ADCY8: variants seen among roughly 807,000 people sequenced by gnomAD.
ADCY8 encodes the protein adenylate cyclase 8.
ADCY8 carries 51 observed loss-of-function variants against 119.7 expected under a neutral mutation model. The observed-to-expected ratio is 0.43, with a 90% CI of 0.34 to 0.54. The LOEUF (loss-of-function observed/expected upper bound fraction) is 0.54, where lower values mean the gene tolerates loss of function less well. Ranked by LOEUF, ADCY8 falls within the 20% of genes least tolerant of loss-of-function variation. The pLI is 0.03. For missense variants in ADCY8, 1,383 were observed against 1,598.8 expected, an observed-to-expected ratio of 0.87 and a Z score of 2.30; for synonymous variants, 665 against 651.0, an observed-to-expected ratio of 1.02 and a Z score of -0.33.
chr8:130,932,211 G>A (rs186532362), intron 5 of ADCY8, among the ~76,000 whole-genome samples: 1 of 152,294 alleles, frequency 6.6e-6, no homozygotes, highest in African/African-American at 2.4e-5. Context: ...TGGGCCAGAA[G>A]CCTAGGACCA....
intron 14 of ADCY8, among the ~76,000 whole-genome samples, chr8:130,806,501 C>T (rs978987299): frequency 3.9e-5 from 6 of 152,110 alleles, no homozygotes; most frequent in Non-Finnish European, 7.4e-5. Context: ...AAGATGAGGG[C>T]AGGAAGTAGG....
rs377413704 is a variant in ADCY8, at chr8:130,814,058, C to A, written c.2913+11G>T. 6.8e-6 allele frequency: 11 copies of A among 1,614,008 alleles called. No homozygotes were observed. Among genetic ancestry groups the A allele is most frequent in the Non-Finnish European group, 9.3e-6 (11 of 1,180,002 alleles). On this transcript the variant is annotated intron_variant, in intron 14 of 17. Coordinates refer to ENST00000286355, the MANE Select transcript of ADCY8 (RefSeq NM_001115.3). ...ACCCTTTCTCACTGGCTAGACCAGC[C>A]CCTGGCTCACCTCATTGTCTCGGTC...
chr8:130,951,604 C>G (rs1408770653), intron 3 of ADCY8, among the ~76,000 whole-genome samples: 1 of 152,140 alleles, frequency 6.6e-6, no homozygotes, highest in Non-Finnish European at 1.5e-5. Flanking sequence ...CTTTCCCACT[C>G]AAAATGTAAA....
chr8:130,994,323 G>C (rs1822696946), intron 1 of ADCY8, among the ~76,000 whole-genome samples: 2 of 152,140 alleles, frequency 1.3e-5, no homozygotes, highest in Non-Finnish European at 2.9e-5. Flanking sequence ...TTTCTCTGGG[G>C]CATTCTTTCT....
chr8:130,893,420 G>T (rs1401541532), intron 7 of ADCY8, among the ~76,000 whole-genome samples: 1 of 152,114 alleles, frequency 6.6e-6, no homozygotes, highest in Non-Finnish European at 1.5e-5. Flanking sequence ...AGGGCCACAG[G>T]GTAGGTGTGA....
At chr8:130,813,298 T>C (rs544130564) in intron 14 of ADCY8, among the ~76,000 whole-genome samples, 1 of 152,316 alleles carries the variant, frequency 6.6e-6, no homozygotes, top group South Asian at 2.1e-4. Context: ...ATAGTCACAT[T>C]GTTGTGCAAC....
At chr8:130,906,326 G>C (rs1436307672) in intron 6 of ADCY8, among the ~76,000 whole-genome samples, 3 of 152,080 alleles carry the variant, frequency 2.0e-5, no homozygotes, top group African/African-American at 2.4e-5. Context: ...CTGGTAGGAG[G>C]GTTTTCTAAA....
At chr8:130,964,706 T>A (rs1368339668) in intron 2 of ADCY8, among the ~76,000 whole-genome samples, 1 of 152,240 alleles carries the variant, frequency 6.6e-6, no homozygotes, top group Non-Finnish European at 1.5e-5. Flanking sequence ...TTGGCTATGG[T>A]CTCTGTAAGA....
intron 7 of ADCY8, among the ~76,000 whole-genome samples, chr8:130,900,751 A>G (rs1267097986): frequency 2.0e-5 from 3 of 152,150 alleles, no homozygotes; most frequent in Non-Finnish European, 4.4e-5. Flanking sequence ...CCTTAATTTT[A>G]CAGATTCTCA....
chr8:130,850,936 A>G (rs1034001181), intron 9 of ADCY8, among the ~76,000 whole-genome samples: 2 of 152,174 alleles, frequency 1.3e-5, no homozygotes, highest in Non-Finnish European at 2.9e-5. Flanking sequence ...AATGAACCAA[A>G]GAGGTCTTTT....
intron 9 of ADCY8, among the ~76,000 whole-genome samples, chr8:130,859,839 T>A (rs184566442): frequency 2.0e-4 from 30 of 152,332 alleles, no homozygotes; most frequent in Non-Finnish European, 3.4e-4. Context: ...CACCTAACGA[T>A]CTATTTACCA....
chr8:131,039,329 C>G (rs182450253), intron 1 of ADCY8, 45 bp downstream of exon 1: 1 of 1,595,770 alleles, frequency 6.3e-7, no homozygotes, highest in Non-Finnish European at 8.5e-7. Flanking sequence ...ATCAATAACC[C>G]GGGGAAGTTA....
intron 5 of ADCY8, among the ~76,000 whole-genome samples, chr8:130,923,274 G>GA (rs1432350999): frequency 6.6e-6 from 1 of 151,464 alleles, no homozygotes; most frequent in African/African-American, 2.4e-5. Context: ...GGAATAGACA[G>GA]AAAAAAATAG....
intron 1 of ADCY8, among the ~76,000 whole-genome samples, chr8:131,019,797 TTCTCTCTCTCTC>T (rs61010907): frequency 0.055 from 5,721 of 104,706 alleles, 189 homozygotes; most frequent in Non-Finnish European, 0.062. Flanking sequence ...ATGGAACAAA[TTCTCTCTCTCTC>T]TCTCTCTCTC....
intron 1 of ADCY8, among the ~76,000 whole-genome samples, chr8:131,023,682 T>C (rs1823742817): frequency 6.6e-6 from 1 of 152,258 alleles, no homozygotes; most frequent in Non-Finnish European, 1.5e-5. Context: ...TTAGTTTTGC[T>C]GTCATTTAAT....
intron 8 of ADCY8, among the ~76,000 whole-genome samples, chr8:130,882,907 G>T (rs894809761): frequency 3.3e-5 from 5 of 152,158 alleles, no homozygotes; most frequent in African/African-American, 1.2e-4. Context: ...GTGATCGTTT[G>T]CTGATGTGTC....
At chr8:131,010,935 G>A (rs2130779496) in intron 1 of ADCY8, among the ~76,000 whole-genome samples, 1 of 152,340 alleles carries the variant, frequency 6.6e-6, no homozygotes, top group East Asian at 1.9e-4. Context: ...TTACTCAGCT[G>A]TTGGTTTTAA....
At chr8:130,968,127 C>T (rs893924144) in intron 2 of ADCY8, among the ~76,000 whole-genome samples, 1 of 151,238 alleles carries the variant, frequency 6.6e-6, no homozygotes, top group African/African-American at 2.4e-5. Flanking sequence ...GGACCGTGGT[C>T]TGTAGAGAAT....
At chr8:130,921,570 C>T (rs1047668975) in intron 5 of ADCY8, among the ~76,000 whole-genome samples, 1 of 151,476 alleles carries the variant, frequency 6.6e-6, no homozygotes, top group African/African-American at 2.4e-5. Flanking sequence ...TCTCCTGCCT[C>T]AGCCTCCCTA....
Sources: gnomAD v4.1 joint callset for allele counts (sites outside exome capture counted in the v4.1 genomes callset) on GRCh38, gnomAD v4.1.1 for gene constraint, MANE v1.5 for transcripts, NCBI Gene and HGNC (gene_info 2026-07-23, HGNC 2026-07-21) for gene names.